Variants in RAMP1 observed in about 807,000 individuals in gnomAD.
RAMP1 encodes the protein receptor activity-modifying protein 1.
RAMP1 carries 7 observed loss-of-function variants against 8.2 expected under a neutral mutation model. The ratio of observed to expected loss-of-function variants is 0.85; its 90% confidence interval spans 0.49 to 1.60. RAMP1 has a LOEUF of 1.60. RAMP1 is among the 40% of genes most tolerant of loss of function. RAMP1 has a pLI of 0.00. For missense variants in RAMP1, 192 were observed against 202.4 expected, an observed-to-expected ratio of 0.95 and a Z score of 0.31; for synonymous variants, 92 against 84.7, an observed-to-expected ratio of 1.09 and a Z score of -0.47.
At chr2:237,909,699 G>A (rs1335413308) in intron 2 of RAMP1, among the ~76,000 whole-genome samples, 2 of 152,162 alleles carry the variant, frequency 1.3e-5, no homozygotes, top group Non-Finnish European at 2.9e-5. Context: ...AGATGACACA[G>A]AAAAGCACCG....
intron 2 of RAMP1, among the ~76,000 whole-genome samples, chr2:237,892,620 T>G (rs2062497914): frequency 6.6e-6 from 1 of 152,298 alleles, no homozygotes; most frequent in African/African-American, 2.4e-5. Context: ...CAACCAGCCA[T>G]GAAATGTGAA....
At chr2:237,861,175 A>G (rs2062129744) in intron 1 of RAMP1, among the ~76,000 whole-genome samples, 1 of 152,204 alleles carries the variant, frequency 6.6e-6, no homozygotes, top group Non-Finnish European at 1.5e-5. Flanking sequence ...GTGTAAATAA[A>G]ACACTATGTC....
intron 2 of RAMP1, among the ~76,000 whole-genome samples, chr2:237,898,441 C>T (rs755273049): frequency 5.3e-4 from 81 of 152,184 alleles, no homozygotes; most frequent in Non-Finnish European, 9.4e-4. Flanking sequence ...ATCCGTCTTT[C>T]CCTCACGCGT....
intron 1 of RAMP1, among the ~76,000 whole-genome samples, chr2:237,876,936 C>T (rs1041896861): frequency 6.6e-6 from 1 of 152,188 alleles, no homozygotes; most frequent in African/African-American, 2.4e-5. Context: ...TCTCATGCTG[C>T]CCATGCCTGG....
Position 237,859,631 on chromosome 2 carries a change from GC to G in RAMP1, c.-44del. 1 of 1,399,960 alleles carries G rather than the reference GC, an allele frequency of 7.1e-7. No individual in the cohort carries two copies. The highest frequency in any genetic ancestry group is 9.3e-7 in the Non-Finnish European group (1 of 1,071,850). 86.7% of individuals were successfully genotyped at this position (1,399,960 alleles called of 1,614,324 possible). On this transcript the variant is annotated 5_prime_UTR_variant, in exon 1 of 3. Coordinates refer to ENST00000254661, the MANE Select transcript of RAMP1 (RefSeq NM_005855.4). ...CGCGCCGCGGCGGGCTCAGTCCTCAGCGGGGCGCGTGGCGAGCGGACTCGAC... is the reference window on the plus strand; with the variant it reads ...CGCGCCGCGGCGGGCTCAGTCCTCAGGGGGCGCGTGGCGAGCGGACTCGAC...
intron 2 of RAMP1, among the ~76,000 whole-genome samples, chr2:237,883,651 A>G (rs2062395970): frequency 6.6e-6 from 1 of 152,058 alleles, no homozygotes; most frequent in Non-Finnish European, 1.5e-5. Flanking sequence ...CTCCATCTCT[A>G]CAAAAATTTT....
intron 2 of RAMP1, among the ~76,000 whole-genome samples, chr2:237,885,888 C>T (rs1293556401): frequency 1.3e-5 from 2 of 152,226 alleles, no homozygotes; most frequent in African/African-American, 4.8e-5. Context: ...CCCCTGACCT[C>T]CTGGGGCCTT....
intron 2 of RAMP1, among the ~76,000 whole-genome samples, chr2:237,903,568 G>C (rs925396109): frequency 1.3e-5 from 2 of 152,058 alleles, no homozygotes; most frequent in Admixed American, 6.6e-5. Context: ...GCCCAGGCTG[G>C]AGTGCAGTGG....
At chr2:237,881,002 G>T (rs1432261376) in intron 2 of RAMP1, among the ~76,000 whole-genome samples, 3 of 152,172 alleles carry the variant, frequency 2.0e-5, no homozygotes, top group Non-Finnish European at 2.9e-5. Flanking sequence ...TCCTGCCCCT[G>T]CCCATTTCTC....
At position 237,859,747 on chromosome 2, in the gene RAMP1, C is replaced by A; in HGVS notation, c.52+20C>A. The stretch of plus-strand genomic sequence containing the variant: ...TCCTGGGTGAGTAGGTCCAGGGGTC[C>A]CGGCCGAGCTCCCTTCCCCTGGCCA... On this transcript the variant is annotated intron_variant, in intron 1 of 2. Coordinates refer to ENST00000254661, the MANE Select transcript of RAMP1 (RefSeq NM_005855.4). 1 of 1,503,724 alleles carries A rather than the reference C, an allele frequency of 6.7e-7. No homozygotes were observed. Among genetic ancestry groups the A allele is most frequent in the African/African-American group, 1.5e-5 (1 of 68,964 alleles). 93.1% of individuals were successfully genotyped at this position (1,503,724 alleles called of 1,614,324 possible).
At chr2:237,889,978 T>C (rs1445042709) in intron 2 of RAMP1, among the ~76,000 whole-genome samples, 2 of 152,166 alleles carry the variant, frequency 1.3e-5, no homozygotes, top group Non-Finnish European at 1.5e-5. Flanking sequence ...GGACCAAGCA[T>C]GCAGTGCCAA....
Position 237,862,275 on chromosome 2 carries a change from A to G in RAMP1, c.52+2548A>G, listed in dbSNP as rs140039144. ...AAATCTGGACACAGTTCTCATGCCA[A>G]AGTCCAAATCTGAAGGATTCTTATT... On this transcript the variant is annotated intron_variant, in intron 1 of 2. Coordinates refer to ENST00000254661, the MANE Select transcript of RAMP1 (RefSeq NM_005855.4). The surrounding 1 kb of genome is among the most constrained non-coding windows in gnomAD (Gnocchi z 4.0). Among the ~76,000 whole-genome samples the G allele has an allele frequency of 7.6e-4, 115 of 152,310 alleles. No homozygotes were observed. The highest frequency in any genetic ancestry group is 1.5e-3 in the Non-Finnish European group (104 of 68,012).
intron 1 of RAMP1, among the ~76,000 whole-genome samples, chr2:237,864,984 A>T (rs1265193156): frequency 6.6e-6 from 1 of 152,174 alleles, no homozygotes; most frequent in Admixed American, 6.5e-5. Context: ...TTCTCTAAGC[A>T]TTCAGATCTC....
chr2:237,866,091 C>T (rs1462482232), intron 1 of RAMP1, among the ~76,000 whole-genome samples: 2 of 152,050 alleles, frequency 1.3e-5, no homozygotes, highest in Non-Finnish European at 2.9e-5. Context: ...ATTAACTGGT[C>T]AGGGAGGATT....
chr2:237,899,375 G>A (rs1256269116), intron 2 of RAMP1, among the ~76,000 whole-genome samples: 2 of 152,216 alleles, frequency 1.3e-5, no homozygotes, highest in South Asian at 4.1e-4. Flanking sequence ...CTGGCCGAGA[G>A]AGAGATTTTT....
intron 2 of RAMP1, among the ~76,000 whole-genome samples, chr2:237,879,585 A>G (rs1310963041): frequency 7.1e-5 from 9 of 126,034 alleles, no homozygotes; most frequent in Middle Eastern, 3.9e-3. Flanking sequence ...GGTGTGCTGC[A>G]CCCATTAACT....
At chr2:237,866,660 C>T (rs1392975842) in intron 1 of RAMP1, among the ~76,000 whole-genome samples, 2 of 152,248 alleles carry the variant, frequency 1.3e-5, no homozygotes, top group East Asian at 3.9e-4. Flanking sequence ...TGAGCAGAGG[C>T]CTTACTGATA....
intron 2 of RAMP1, among the ~76,000 whole-genome samples, chr2:237,911,004 T>C (rs1206955477): frequency 6.7e-6 from 1 of 149,558 alleles, no homozygotes; most frequent in Non-Finnish European, 1.5e-5. Flanking sequence ...CAGAAAATAG[T>C]CACACACACG....
At chr2:237,873,140 A>G (rs1416041404) in intron 1 of RAMP1, among the ~76,000 whole-genome samples, 1 of 152,244 alleles carries the variant, frequency 6.6e-6, no homozygotes, top group Non-Finnish European at 1.5e-5. Context: ...GGGAGGCTTC[A>G]GGAATTTGCA....
Sources: gnomAD v4.1 joint callset for allele counts (sites outside exome capture counted in the v4.1 genomes callset) on GRCh38, gnomAD v4.1.1 for gene constraint, Gnocchi (gnomAD v3.1) non-coding constraint, MANE v1.5 for transcripts, NCBI Gene and HGNC (gene_info 2026-07-23, HGNC 2026-07-21) for gene names.